NOL4L: variants seen among roughly 807,000 people sequenced by gnomAD.
NOL4L encodes the protein nucleolar protein 4 like.
In NOL4L, 7 loss-of-function variants were observed where a neutral mutation model predicts 64.5. The observed-to-expected ratio is 0.11, with a 90% CI of 0.06 to 0.20. The LOEUF (loss-of-function observed/expected upper bound fraction) is 0.20. NOL4L is among the 10% of genes least tolerant of loss of function. The pLI is 1.00. For missense variants in NOL4L, 680 were observed against 967.1 expected (o/e 0.70, Z 3.94); for synonymous variants, 413 against 401.0 (o/e 1.03, Z -0.36).
At chr20:32,497,490 C>G (rs551389410) in intron 4 of NOL4L, among the ~76,000 whole-genome samples, 5 of 152,134 alleles carry the variant, frequency 3.3e-5, no homozygotes, top group African/African-American at 1.2e-4. Context: ...GCAAGGAAAA[C>G]CAGGGACGGC....
intron 4 of NOL4L, chr20:32,475,384 G>T (rs1600705977): frequency 3.1e-6 from 3 of 981,368 alleles, no homozygotes; most frequent in East Asian, 2.3e-4. Context: ...GGCAGGCCAG[G>T]GTTCGGACCA....
At chr20:32,536,393 G>C (rs1243858616) in intron 1 of NOL4L, 13 of 833,648 alleles carry the variant, frequency 1.6e-5, no homozygotes, top group Middle Eastern at 6.1e-4. Flanking sequence ...TGGGGCTGGA[G>C]GGGGAGGGGA....
chr20:32,505,882 G>A (rs1407337491), intron 4 of NOL4L, among the ~76,000 whole-genome samples: 1 of 152,222 alleles, frequency 6.6e-6, no homozygotes, highest in African/African-American at 2.4e-5. Context: ...CCAGGGCTGG[G>A]GGAGGGGAGG....
At chr20:32,454,435 C>A (rs539318805) in intron 6 of NOL4L, among the ~76,000 whole-genome samples, 1 of 150,088 alleles carries the variant, frequency 6.7e-6, no homozygotes, top group African/African-American at 2.5e-5. Context: ...TCCGGCCTCC[C>A]CCAGCAGTCT....
intron 5 of NOL4L, chr20:32,465,131 C>T: frequency 2.0e-6 from 1 of 505,342 alleles, no homozygotes; most frequent in Middle Eastern, 2.8e-4. Flanking sequence ...GAGACAGACA[C>T]CACCTTCAGT....
chr20:32,485,071 A>AAAAAAAAAAAAAAAAAAAAAAAC (rs1568643062), intron 4 of NOL4L, among the ~76,000 whole-genome samples: 1 of 146,332 alleles, frequency 6.8e-6, no homozygotes, highest in Non-Finnish European at 1.5e-5. Context: ...AAAAAAAAAA[A>AAAAAAAAAAAAAAAAAAAAAAAC]AAAAAAAAAA....
intron 3 of NOL4L, among the ~76,000 whole-genome samples, chr20:32,517,489 G>A (rs894139163): frequency 6.6e-6 from 1 of 152,212 alleles, no homozygotes; most frequent in South Asian, 2.1e-4. Context: ...AGGAGGAGGG[G>A]AACCTGGGGA....
At chr20:32,480,448 A>G (rs937692057) in intron 4 of NOL4L, among the ~76,000 whole-genome samples, 1 of 152,186 alleles carries the variant, frequency 6.6e-6, no homozygotes, top group African/African-American at 2.4e-5. Flanking sequence ...AGGAGGCTAA[A>G]GCTCCCACTG....
intron 3 of NOL4L, among the ~76,000 whole-genome samples, chr20:32,514,250 G>A (rs1423396842): frequency 6.6e-6 from 1 of 152,188 alleles, no homozygotes; most frequent in Non-Finnish European, 1.5e-5. Flanking sequence ...CCAGCACTTA[G>A]GGAGGCTGAG....
intron 1 of NOL4L, among the ~76,000 whole-genome samples, chr20:32,557,480 G>A (rs1978732435): frequency 2.6e-5 from 4 of 152,214 alleles, no homozygotes; most frequent in Admixed American, 2.0e-4. Context: ...AAGTCTCCTC[G>A]GTTGGGCATG....
In NOL4L at chr20:32,453,756, G is replaced by A. The variant is rs138302372; in HGVS notation, c.1125C>T (p.Pro375=). 12 of 1,552,908 alleles carry A rather than the reference G, an allele frequency of 7.7e-6. No individual in the cohort carries two copies. The highest frequency in any genetic ancestry group is 7.1e-5 in the South Asian group (6 of 84,156). Residue 375 remains proline (P), a synonymous_variant, in exon 7 of 11, where the codon CCC becomes CCT. Transcript: ENST00000621426. This position sits in a 1 kb window ranked among gnomAD's most constrained non-coding sequence, Gnocchi z 5.6. The stretch of plus-strand genomic sequence containing the variant: ...AATCGTAGCTCCCAGAGCTGTAGGG[G>A]GGGGACTAAAAGGAGGGCAAGAGGC... ...KYGVKTTPES[P]PYSSGSYDSI...
At position 32,455,711 on chromosome 20, in the gene NOL4L, C is replaced by T. The variant is rs138350533; in HGVS notation, c.1119+407G>A. Among the ~76,000 whole-genome samples, 19 of 152,242 alleles carry T rather than the reference C, an allele frequency of 1.2e-4. No individual in the cohort carries two copies. The East Asian group carries it at 2.3e-3, about 19-fold the overall frequency. The stretch of plus-strand genomic sequence containing the variant: ...CCTGGGCCCTCGCCCTTTTTTCGCA[C>T]GACCTATAAAATGGGGACAGGCACG... On this transcript the variant is annotated intron_variant, in intron 6 of 10. Coordinates refer to ENST00000621426, the MANE Select transcript of NOL4L (RefSeq NM_001256798.2).
chr20:32,566,214 G>A (rs941686658), intron 1 of NOL4L, among the ~76,000 whole-genome samples: 2 of 152,184 alleles, frequency 1.3e-5, no homozygotes, highest in African/African-American at 4.8e-5. Context: ...GGACACTGAA[G>A]CTCAGAGAGT....
At chr20:32,537,522 GC>G (rs1250003798) in intron 1 of NOL4L, among the ~76,000 whole-genome samples, 1 of 152,164 alleles carries the variant, frequency 6.6e-6, no homozygotes, top group African/African-American at 2.4e-5. Context: ...GAAGCGATTT[GC>G]CCACAGTCAC....
chr20:32,481,140 T>C (rs1484015423), intron 4 of NOL4L, among the ~76,000 whole-genome samples: 1 of 152,218 alleles, frequency 6.6e-6, no homozygotes, highest in African/African-American at 2.4e-5. Flanking sequence ...CCTGCTGTCA[T>C]AGACACCTGG....
intron 4 of NOL4L, chr20:32,486,690 A>G (rs564115234): frequency 2.1e-6 from 1 of 467,904 alleles, no homozygotes; most frequent in South Asian, 1.6e-5. Context: ...AGAGAAGAAA[A>G]TGTACCTGCA....
intron 1 of NOL4L, among the ~76,000 whole-genome samples, chr20:32,537,780 CT>C (rs5841107): frequency 0.43 from 61,049 of 143,182 alleles, 13,940 homozygotes; most frequent in East Asian, 0.97. Flanking sequence ...ACCCGCGTTT[CT>C]TTTTTTTTTT....
intron 3 of NOL4L, among the ~76,000 whole-genome samples, chr20:32,512,964 T>C (rs1378219401): frequency 1.3e-5 from 2 of 151,982 alleles, no homozygotes; most frequent in African/African-American, 2.4e-5. Context: ...GGTAGGGACA[T>C]AATTTGATAA....
Position 32,563,338 on chromosome 20 carries a change from G to A in NOL4L, c.321+21232C>T, listed in dbSNP as rs144752550. 7.7e-3 allele frequency among the ~76,000 whole-genome samples: 1,165 copies of A among 150,810 alleles called. 20 individuals are homozygous for A. Among genetic ancestry groups the A allele is most frequent in the African/African-American group, 0.027 (1,100 of 40,884 alleles). ...GGAGGGTGAAGGGGAGGGAGGGAGC[G>A]AGCCTCACCTTTACTGAATACCTGC... On this transcript the variant is annotated intron_variant, in intron 1 of 10. Transcript: ENST00000621426.
Sources: allele counts gnomAD v4.1 joint callset (sites outside exome capture counted in the v4.1 genomes callset), GRCh38; gene constraint gnomAD v4.1.1; non-coding constraint Gnocchi (gnomAD v3.1); transcripts MANE v1.5; gene names NCBI Gene and HGNC (gene_info 2026-07-23, HGNC 2026-07-21).